TM9SF3: variants seen among roughly 807,000 people sequenced by gnomAD.
The protein encoded by TM9SF3 is SM-11044-binding protein.
In TM9SF3, 14 loss-of-function variants were observed where a neutral mutation model predicts 78.6. That is an observed-to-expected ratio of 0.18 (90% confidence interval 0.12 to 0.28). The LOEUF (loss-of-function observed/expected upper bound fraction) is 0.28, where lower values mean the gene tolerates loss of function less well. Ranked by LOEUF, TM9SF3 falls within the 10% of genes least tolerant of loss-of-function variation. TM9SF3 has a pLI of 1.00. For synonymous variants in TM9SF3, 231 were observed against 241.7 expected (o/e 0.96, Z 0.41); for missense variants, 496 against 721.9 (o/e 0.69, Z 3.59).
chr10:96,519,134 T>A lies in TM9SF3; in HGVS notation c.*3129A>T, dbSNP rs974786017. 6.6e-6 allele frequency: 1 copy of A among 152,094 alleles called. No homozygotes were observed. The highest frequency in any genetic ancestry group is 2.4e-5 in the African/African-American group (1 of 41,454). The allele number at this position is 152,094 out of a possible 1,614,324, so 9.4% of individuals were successfully genotyped here. ...TTTACATTTGTAAAAATTCAAGGTT[T>A]TAATAACATTTCTTTGCAAGACATT... is the stretch of plus-strand genomic sequence containing the variant. On this transcript the variant is annotated 3_prime_UTR_variant, in exon 15 of 15. Transcript: ENST00000371142.
intron 2 of TM9SF3, among the ~76,000 whole-genome samples, chr10:96,572,866 T>C (rs1848452912): frequency 6.6e-6 from 1 of 152,194 alleles, no homozygotes; most frequent in African/African-American, 2.4e-5. Context: ...TGCTAGAATA[T>C]AAGATTATTA....
chr10:96,545,930 T>C (rs1437465205), intron 8 of TM9SF3, among the ~76,000 whole-genome samples: 1 of 151,982 alleles, frequency 6.6e-6, no homozygotes, highest in Non-Finnish European at 1.5e-5. Context: ...AATCTCCTTA[T>C]CCAACTCTCT....
chr10:96,546,116 A>C (rs1342495040), intron 8 of TM9SF3, among the ~76,000 whole-genome samples: 1 of 152,220 alleles, frequency 6.6e-6, no homozygotes, highest in Non-Finnish European at 1.5e-5. Context: ...ATTATAGTGC[A>C]CTGAGGACAG....
chr10:96,529,090 T>C (rs940109631), intron 11 of TM9SF3, among the ~76,000 whole-genome samples: 14 of 151,640 alleles, frequency 9.2e-5, no homozygotes, highest in Non-Finnish European at 2.1e-4. Flanking sequence ...GGGACAGGGG[T>C]AGAAGGGAAA....
intron 1 of TM9SF3, among the ~76,000 whole-genome samples, chr10:96,579,421 GACA>G (rs1270917197): frequency 6.6e-5 from 10 of 152,074 alleles, no homozygotes; most frequent in Non-Finnish European, 1.5e-4. Context: ...TTTAAAAATA[GACA>G]ACATTTTTGA....
rs1554945677 is a variant in TM9SF3, at chr10:96,543,344, C to CTTTCTTTTTT, written c.1185+731_1185+732insAAAAAAGAAA. 2.6e-4 allele frequency among the ~76,000 whole-genome samples: 36 copies of CTTTCTTTTTT among 136,914 alleles called. 1 individual carries two copies. Among genetic ancestry groups the CTTTCTTTTTT allele is most frequent in the Middle Eastern group, 3.9e-3 (1 of 254 alleles). The allele number at this position is 136,914 out of a possible 152,430, so 89.8% of individuals were successfully genotyped here. On this transcript the variant is annotated intron_variant, in intron 9 of 14. Transcript: ENST00000371142. ...ATTTACAAAAATGCTTAGTGAGATT[C>CTTTCTTTTTT]TTTTTTTTGAGATGGAGTCTGGCTC...
At chr10:96,581,025 G>A (rs1848562548) in intron 1 of TM9SF3, among the ~76,000 whole-genome samples, 1 of 152,170 alleles carries the variant, frequency 6.6e-6, no homozygotes, top group African/African-American at 2.4e-5. Flanking sequence ...AGTGCCAGGT[G>A]TACAAAGCAA....
At chr10:96,559,557 T>G in intron 5 of TM9SF3, 102 bp downstream of exon 5, 1 of 704,156 alleles carries the variant, frequency 1.4e-6, no homozygotes, top group East Asian at 3.1e-5. Context: ...AATCTTTTAA[T>G]CCACAGTCCT....
At chr10:96,567,037 T>C (rs1352014069) in intron 2 of TM9SF3, among the ~76,000 whole-genome samples, 1 of 151,148 alleles carries the variant, frequency 6.6e-6, no homozygotes, top group Non-Finnish European at 1.5e-5. Context: ...TAGATTTAAG[T>C]AGGAAGCTCT....
intron 9 of TM9SF3, among the ~76,000 whole-genome samples, chr10:96,540,093 T>C (rs528347932): frequency 5.3e-5 from 8 of 152,368 alleles, no homozygotes; most frequent in African/African-American, 1.9e-4. Context: ...TGAGATCTTT[T>C]TAGATGCTGC....
intron 9 of TM9SF3, among the ~76,000 whole-genome samples, chr10:96,537,426 T>C (rs1457670866): frequency 6.6e-6 from 1 of 152,222 alleles, no homozygotes; most frequent in Non-Finnish European, 1.5e-5. Flanking sequence ...TTTGTGTAAG[T>C]ACACTCTGAG....
chr10:96,529,002 T>C (rs1351948638), intron 11 of TM9SF3, among the ~76,000 whole-genome samples: 1 of 152,050 alleles, frequency 6.6e-6, no homozygotes, highest in African/African-American at 2.4e-5. Flanking sequence ...AGAAGATAAG[T>C]TGAAGAAACA....
chr10:96,552,311 TGG>T (rs1277797040), intron 6 of TM9SF3, among the ~76,000 whole-genome samples: 2 of 151,718 alleles, frequency 1.3e-5, no homozygotes, highest in African/African-American at 4.8e-5. Flanking sequence ...TAGCCAGGGG[TGG>T]GGGCTTGTTC....
rs151270123 is a variant in TM9SF3, at chr10:96,539,306, C to T, written c.1185+4770G>A. ...GCCAACATGGTGAAACTGTTTGAGC[C>T]GAGACTGCATCACTGTACTCCAGCC... is the stretch of plus-strand genomic sequence containing the variant. On this transcript the variant is annotated intron_variant, in intron 9 of 14. Coordinates refer to ENST00000371142, the MANE Select transcript of TM9SF3 (RefSeq NM_020123.4). Among the ~76,000 whole-genome samples, 501 of 97,354 alleles carry T rather than the reference C, an allele frequency of 5.1e-3. 3 individuals are homozygous for T. Among genetic ancestry groups the T allele is most frequent in the African/African-American group, 0.021 (445 of 21,622 alleles). The allele number at this position is 97,354 out of a possible 152,430, so 63.9% of individuals were successfully genotyped here.
At chr10:96,540,282 T>C (rs535168505) in intron 9 of TM9SF3, among the ~76,000 whole-genome samples, 61 of 152,240 alleles carry the variant, frequency 4.0e-4, no homozygotes, top group Non-Finnish European at 6.2e-4. Flanking sequence ...GTACATACTA[T>C]GGCTAATACT....
chr10:96,563,658 G>A lies in TM9SF3; in HGVS notation c.422-1520C>T, dbSNP rs538408392. Among the ~76,000 whole-genome samples, 16 of 152,300 alleles carry A rather than the reference G, an allele frequency of 1.1e-4. 1 individual carries two copies. The East Asian group carries it at 2.1e-3, about 20-fold the overall frequency. On this transcript the variant is annotated intron_variant, in intron 3 of 14. Transcript: ENST00000371142. The stretch of plus-strand genomic sequence containing the variant: ...CACCCAAAGTGCTGGGATTACAGGC[G>A]TGAGCCACCGCGCCCAGCCAATAAT...
At chr10:96,558,466 A>G (rs1848261460) in intron 5 of TM9SF3, among the ~76,000 whole-genome samples, 1 of 151,990 alleles carries the variant, frequency 6.6e-6, no homozygotes, top group Admixed American at 6.6e-5. Context: ...AACATGGTGA[A>G]ACCCCACCCC....
At chr10:96,523,749 T>C (rs1847807778) in intron 14 of TM9SF3, among the ~76,000 whole-genome samples, 1 of 151,820 alleles carries the variant, frequency 6.6e-6, no homozygotes, top group African/African-American at 2.4e-5. Flanking sequence ...GTCTGGAAAA[T>C]TCTACAGAAA....
chr10:96,573,106 T>C (rs1367624957), intron 2 of TM9SF3, among the ~76,000 whole-genome samples: 2 of 152,234 alleles, frequency 1.3e-5, no homozygotes, highest in Admixed American at 1.3e-4. Flanking sequence ...AAAATTTTAT[T>C]TGAATATGCC....
Sources: gnomAD v4.1 joint callset for allele counts (sites outside exome capture counted in the v4.1 genomes callset) on GRCh38, gnomAD v4.1.1 for gene constraint, MANE v1.5 for transcripts, NCBI Gene and HGNC (gene_info 2026-07-23, HGNC 2026-07-21) for gene names.